SGSM1: variants seen among roughly 807,000 people sequenced by gnomAD.
SGSM1 encodes the protein RUN and TBC1 domain containing 2.
Under a neutral mutation model 133.8 loss-of-function variants are expected in SGSM1, and 73 were observed. The observed-to-expected ratio is 0.55, with a 90% CI of 0.45 to 0.66. The LOEUF is 0.66. Among genes scored for constraint, SGSM1 ranks in the 30% least tolerant of loss-of-function variants. SGSM1 has a pLI of 0.00. For synonymous variants in SGSM1, 563 were observed against 573.0 expected, an observed-to-expected ratio of 0.98 and a Z score of 0.25; for missense variants, 1,213 against 1,448.1, an observed-to-expected ratio of 0.84 and a Z score of 2.64.
chr22:24,890,298 A>G (rs1932793251), intron 16 of SGSM1, among the ~76,000 whole-genome samples: 1 of 152,104 alleles, frequency 6.6e-6, no homozygotes. Flanking sequence ...CTTATGATGC[A>G]TTTATTGGGA....
chr22:24,819,672 A>T (rs1341767516), intron 2 of SGSM1, among the ~76,000 whole-genome samples: 1 of 152,168 alleles, frequency 6.6e-6, no homozygotes, highest in Non-Finnish European at 1.5e-5. Flanking sequence ...AAGTACTATA[A>T]ATTGAAGCAC....
At chr22:24,845,100 G>A in intron 3 of SGSM1, 128 bp downstream of exon 3, 1 of 814,570 alleles carries the variant, frequency 1.2e-6, no homozygotes, top group Non-Finnish European at 2.0e-6. Context: ...GACTCGATTG[G>A]AGAATTTGAA....
chr22:24,852,064 C>T (rs1016103565), intron 5 of SGSM1, among the ~76,000 whole-genome samples: 1 of 152,192 alleles, frequency 6.6e-6, no homozygotes, highest in Non-Finnish European at 1.5e-5. Flanking sequence ...GCAATGTCAA[C>T]CTGCTTTTTT....
chr22:24,877,043 C>T (rs1932061328), intron 13 of SGSM1, among the ~76,000 whole-genome samples: 1 of 152,144 alleles, frequency 6.6e-6, no homozygotes, highest in Admixed American at 6.6e-5. Context: ...GATGGAGCAG[C>T]TACCATCTTG....
At chr22:24,837,404 G>T (rs1929493049) in intron 2 of SGSM1, among the ~76,000 whole-genome samples, 1 of 152,204 alleles carries the variant, frequency 6.6e-6, no homozygotes, top group Non-Finnish European at 1.5e-5. Flanking sequence ...AGAAGGCAGA[G>T]CCAGGTGTAC....
intron 2 of SGSM1, among the ~76,000 whole-genome samples, chr22:24,841,391 A>G (rs888796805): frequency 1.3e-5 from 2 of 152,196 alleles, no homozygotes; most frequent in African/African-American, 2.4e-5. Flanking sequence ...TCTCTCCTGG[A>G]GAATGTTCCA....
At chr22:24,888,942 T>A (rs1393369325) in intron 16 of SGSM1, among the ~76,000 whole-genome samples, 2 of 97,154 alleles carry the variant, frequency 2.1e-5, no homozygotes, top group Non-Finnish European at 4.0e-5. Flanking sequence ...AGTCACCTTT[T>A]TTTTTTTTTT....
At chr22:24,815,139 C>G (rs1411356219) in intron 2 of SGSM1, among the ~76,000 whole-genome samples, 1 of 152,182 alleles carries the variant, frequency 6.6e-6, no homozygotes, top group Admixed American at 6.5e-5. Context: ...TGCAGGAACT[C>G]AGATTGTGGG....
intron 21 of SGSM1, among the ~76,000 whole-genome samples, chr22:24,911,870 C>T (rs751202511): frequency 2.5e-4 from 38 of 152,004 alleles, no homozygotes; most frequent in Non-Finnish European, 4.7e-4. Flanking sequence ...CTGGCTAACA[C>T]GGTGAAACCC....
At chr22:24,841,071 C>G (rs907341701) in intron 2 of SGSM1, among the ~76,000 whole-genome samples, 3 of 151,788 alleles carry the variant, frequency 2.0e-5, no homozygotes, top group South Asian at 2.1e-4. Context: ...AAGATGGTCT[C>G]GATCTCCTGA....
At chr22:24,809,182 C>T (rs948506903) in intron 2 of SGSM1, among the ~76,000 whole-genome samples, 2 of 152,156 alleles carry the variant, frequency 1.3e-5, no homozygotes, top group African/African-American at 4.8e-5. Flanking sequence ...CTTTGCTTAC[C>T]TCTTTGGGGA....
At chr22:24,868,598 G>A in intron 11 of SGSM1, 59 bp downstream of exon 11, 1 of 1,612,070 alleles carries the variant, frequency 6.2e-7, no homozygotes, top group Non-Finnish European at 8.5e-7. Flanking sequence ...GAGGGTGGTT[G>A]TTTTTGCCTG....
intron 2 of SGSM1, among the ~76,000 whole-genome samples, chr22:24,816,420 T>C (rs1928083863): frequency 6.8e-6 from 1 of 147,858 alleles, no homozygotes; most frequent in Admixed American, 6.7e-5. Context: ...TTTCTTTCTT[T>C]TTTTTTTTTT....
intron 8 of SGSM1, among the ~76,000 whole-genome samples, chr22:24,857,889 T>G (rs1259655515): frequency 6.6e-6 from 1 of 152,208 alleles, no homozygotes; most frequent in African/African-American, 2.4e-5. Flanking sequence ...ATTTGTCCCT[T>G]TACACAAAAT....
In SGSM1 at chr22:24,856,314, A is replaced by G. The variant is rs576914373; in HGVS notation, c.801+634A>G. On this transcript the variant is annotated intron_variant, in intron 8 of 24. Transcript: ENST00000400358. Reference sequence around the variant, plus strand: ...AAACCTCCCAACGACCCTTTGAGGCAGGTACTGTTATTGCGGGCCTCAGTA... The same window carrying G: ...AAACCTCCCAACGACCCTTTGAGGCGGGTACTGTTATTGCGGGCCTCAGTA... Among the ~76,000 whole-genome samples, 4 of 152,322 alleles carry G rather than the reference A, an allele frequency of 2.6e-5. No homozygotes were observed. The East Asian group carries it at 7.7e-4, about 29-fold the overall frequency.
intron 2 of SGSM1, among the ~76,000 whole-genome samples, chr22:24,837,135 A>G (rs10854781): frequency 0.091 from 13,806 of 152,194 alleles, 674 homozygotes; most frequent in Middle Eastern, 0.12. Flanking sequence ...CCACCAATGC[A>G]CGGAGACCGG....
intron 10 of SGSM1, 135 bp from the exon 11 acceptor site, chr22:24,868,241 G>C: frequency 1.6e-6 from 2 of 1,256,408 alleles, no homozygotes; most frequent in Non-Finnish European, 2.2e-6. Context: ...CCTTTGCCCA[G>C]GACTTTCCCA....
chr22:24,882,409 T>TACATATTTTA (rs1244619510), intron 14 of SGSM1, among the ~76,000 whole-genome samples: 1 of 152,154 alleles, frequency 6.6e-6, no homozygotes, highest in African/African-American at 2.4e-5. Flanking sequence ...ATTGTGGTTG[T>TACATATTTTA]ACATATTTTA....
intron 3 of SGSM1, among the ~76,000 whole-genome samples, chr22:24,845,523 GTC>G (rs1930044124): frequency 6.6e-6 from 1 of 152,218 alleles, no homozygotes; most frequent in African/African-American, 2.4e-5. Flanking sequence ...GGGTCTGAGT[GTC>G]TCTGAGGTCA....
Sources: gnomAD v4.1 joint callset for allele counts (sites outside exome capture counted in the v4.1 genomes callset) on GRCh38, gnomAD v4.1.1 for gene constraint, MANE v1.5 for transcripts, NCBI Gene and HGNC (gene_info 2026-07-23, HGNC 2026-07-21) for gene names.